PTPRK: variants seen among roughly 807,000 people sequenced by gnomAD.
The protein encoded by PTPRK is protein tyrosine phosphatase receptor type K.
Under a neutral mutation model 178.0 loss-of-function variants are expected in PTPRK, and 75 were observed. The ratio of observed to expected loss-of-function variants is 0.42; its 90% confidence interval spans 0.35 to 0.51. PTPRK has a LOEUF of 0.51. Ranked by LOEUF, PTPRK falls within the 20% of genes least tolerant of loss-of-function variation. The pLI is 0.02. For missense variants in PTPRK, 1,441 were observed against 1,797.8 expected (o/e 0.80, Z 3.59); for synonymous variants, 637 against 620.6 (o/e 1.03, Z -0.39).
intron 7 of PTPRK, among the ~76,000 whole-genome samples, chr6:128,105,726 G>T (rs1033224376): frequency 6.4e-4 from 97 of 152,062 alleles, no homozygotes; most frequent in African/African-American, 2.2e-3. Context: ...TTTTTTTCAG[G>T]TTACACTCTA....
At chr6:128,213,423 T>C (rs959513809) in intron 6 of PTPRK, among the ~76,000 whole-genome samples, 1 of 152,068 alleles carries the variant, frequency 6.6e-6, no homozygotes, top group Non-Finnish European at 1.5e-5. Context: ...TTAGGGGTTT[T>C]GGGGGGTAAA....
chr6:128,197,042 C>T (rs1004127483), intron 6 of PTPRK, among the ~76,000 whole-genome samples: 1 of 151,942 alleles, frequency 6.6e-6, no homozygotes, highest in Non-Finnish European at 1.5e-5. Context: ...GAAGAAGGTA[C>T]CATGTTTCTT....
intron 13 of PTPRK, among the ~76,000 whole-genome samples, chr6:128,052,228 C>A (rs1369599574): frequency 6.6e-6 from 1 of 152,148 alleles, no homozygotes; most frequent in East Asian, 1.9e-4. Flanking sequence ...TGCCCTGATG[C>A]CTCCATTATC....
rs143582922 is a variant in PTPRK, at chr6:128,308,133, G to GA, written c.495+13905dup. 1.5e-4 allele frequency among the ~76,000 whole-genome samples: 22 copies of GA among 149,486 alleles called. No homozygotes were observed. The East Asian group carries it at 2.3e-3, about 16-fold the overall frequency. ...CTACATAAACCTGGATATTGACTGGGAAAAAAAAATCGAGTAGCCAAAAAA... is the reference window on the plus strand; with the variant it reads ...CTACATAAACCTGGATATTGACTGGGAAAAAAAAAATCGAGTAGCCAAAAAA... On this transcript the variant is annotated intron_variant, in intron 3 of 29. Coordinates refer to ENST00000368226, the MANE Select transcript of PTPRK (RefSeq NM_002844.4).
At chr6:127,995,178 T>C (rs1359965840) in intron 18 of PTPRK, 8 of 1,393,310 alleles carry the variant, frequency 5.7e-6, no homozygotes, top group Non-Finnish European at 8.0e-6. Context: ...AACAGAGCGT[T>C]AGTAATAACT....
At chr6:128,251,065 G>A (rs1257456661) in intron 3 of PTPRK, among the ~76,000 whole-genome samples, 1 of 152,068 alleles carries the variant, frequency 6.6e-6, no homozygotes, top group East Asian at 1.9e-4. Flanking sequence ...AGTGTGAAAA[G>A]GCCTTTAGTC....
At chr6:128,159,049 A>T (rs984662837) in intron 7 of PTPRK, among the ~76,000 whole-genome samples, 2 of 151,796 alleles carry the variant, frequency 1.3e-5, no homozygotes, top group Admixed American at 6.6e-5. Flanking sequence ...TAGTTTCTGA[A>T]CATATATGGG....
intron 13 of PTPRK, among the ~76,000 whole-genome samples, chr6:128,014,788 AGTAT>A (rs1779424424): frequency 6.6e-6 from 1 of 151,650 alleles, no homozygotes; most frequent in Admixed American, 6.6e-5. Context: ...GGTGTCTTGA[AGTAT>A]GTATTATTTA....
rs375562447 is a variant in PTPRK at position 128,056,216 on chromosome 6, T to C, written c.2194+8542A>G. On this transcript the variant is annotated intron_variant, in intron 13 of 29. Transcript: ENST00000368226. ...GGTTTTCCAGCTTTTATTCAGCACA[T>C]AGCTAACGGTTAAGAAGTAGTCAAT... 3.3e-5 allele frequency among the ~76,000 whole-genome samples: 5 copies of C among 152,058 alleles called. No homozygotes were observed. The East Asian group carries it at 9.7e-4, about 29-fold the overall frequency.
chr6:128,519,082 A>T lies in PTPRK; in HGVS notation c.100+1177T>A. ...TCTTCTCCATCACCCTCTGGCCACC[A>T]CTGCGTCTCCATCTGCACCGCGAAC... On this transcript the variant is annotated intron_variant, in intron 1 of 29. Transcript: ENST00000368226. The surrounding 1 kb of genome is among the most constrained non-coding windows in gnomAD (Gnocchi z 4.3). The T allele has an allele frequency of 1.9e-6, 1 of 532,522 alleles. No homozygotes were observed. Among genetic ancestry groups the T allele is most frequent in the Non-Finnish European group, 3.9e-6 (1 of 259,690 alleles). 33.0% of individuals were successfully genotyped at this position (532,522 alleles called of 1,614,324 possible). A position where few individuals can be genotyped will look rare whatever the true frequency, so the allele number is the denominator to read the frequency against.
intron 2 of PTPRK, among the ~76,000 whole-genome samples, chr6:128,375,690 C>T (rs1836975448): frequency 6.6e-6 from 1 of 152,150 alleles, no homozygotes. Context: ...GTCCACAGTC[C>T]AAAGTCTCAT....
intron 15 of PTPRK, chr6:128,001,122 A>T (rs1777784001): frequency 8.2e-7 from 1 of 1,222,538 alleles, no homozygotes; most frequent in Admixed American, 2.3e-5. Context: ...TATCCTTATT[A>T]TACATTTAAG....
At chr6:128,505,475 A>G (rs999433991) in intron 1 of PTPRK, among the ~76,000 whole-genome samples, 2 of 152,038 alleles carry the variant, frequency 1.3e-5, no homozygotes, top group African/African-American at 4.8e-5. Flanking sequence ...AATAAAAAAT[A>G]AATGAAGATG....
At chr6:128,412,169 T>C (rs186484379) in intron 1 of PTPRK, among the ~76,000 whole-genome samples, 1 of 152,342 alleles carries the variant, frequency 6.6e-6, no homozygotes, top group Admixed American at 6.5e-5. Context: ...TAAATTAATA[T>C]CTCTTTCCAA....
chr6:128,251,433 C>T (rs1816442909), intron 3 of PTPRK, among the ~76,000 whole-genome samples: 1 of 152,126 alleles, frequency 6.6e-6, no homozygotes, highest in South Asian at 2.1e-4. Flanking sequence ...TTCCATGACT[C>T]ATAGATGCAT....
chr6:128,009,292 A>T (rs1778794934), intron 13 of PTPRK, 24 bp from the exon 14 acceptor site: 1 of 1,588,456 alleles, frequency 6.3e-7, no homozygotes, highest in African/African-American at 1.4e-5. Flanking sequence ...AAAAAAAATC[A>T]GTTACTGAAA....
intron 7 of PTPRK, among the ~76,000 whole-genome samples, chr6:128,181,226 G>A (rs1801860641): frequency 6.6e-6 from 1 of 151,982 alleles, no homozygotes. Context: ...TTTATTGACA[G>A]ATTTCCATCA....
intron 1 of PTPRK, among the ~76,000 whole-genome samples, chr6:128,428,449 A>G (rs190583511): frequency 2.6e-5 from 4 of 152,352 alleles, no homozygotes; most frequent in Admixed American, 2.6e-4. Flanking sequence ...TACTGAGATC[A>G]GTAAAGACAA....
At position 128,067,888 on chromosome 6, in the gene PTPRK, C is replaced by G. The variant is rs559934711; in HGVS notation, c.1884-96G>C. The G allele has an allele frequency of 2.7e-6, 3 of 1,130,324 alleles. No homozygotes were observed. In the East Asian group the frequency reaches 7.8e-5, roughly 30 times the overall value. The allele number at this position is 1,130,324 out of a possible 1,614,324, so 70.0% of individuals were successfully genotyped here. The stretch of plus-strand genomic sequence containing the variant: ...TTTTTTAAGGGGTTGACTATTAACA[C>G]ACCACATTTCAAAGTATTTAAAGTT... On this transcript the variant is annotated intron_variant, in intron 11 of 29. Transcript: ENST00000368226.
Sources: gnomAD v4.1 joint callset for allele counts (sites outside exome capture counted in the v4.1 genomes callset) on GRCh38, gnomAD v4.1.1 for gene constraint, Gnocchi (gnomAD v3.1) non-coding constraint, MANE v1.5 for transcripts, NCBI Gene and HGNC (gene_info 2026-07-23, HGNC 2026-07-21) for gene names.